Variants in LRP4 observed in about 807,000 individuals in gnomAD.
LRP4 encodes low-density lipoprotein receptor-related protein 4.
A neutral mutation model predicts 220.3 loss-of-function variants in LRP4; 95 were observed. The observed-to-expected ratio is 0.43, with a 90% CI of 0.37 to 0.51. The LOEUF is 0.51. Among genes scored for constraint, LRP4 ranks in the 20% least tolerant of loss-of-function variants. LRP4 has a pLI of 0.00. For missense variants in LRP4, 1,925 were observed against 2,567.0 expected (o/e 0.75, Z 5.40); for synonymous variants, 903 against 954.6 (o/e 0.95, Z 1.00).
intron 20 of LRP4, 71 bp from the exon 21 acceptor site, chr11:46,879,386 T>C: frequency 6.5e-7 from 1 of 1,528,440 alleles, no homozygotes; most frequent in Non-Finnish European, 9.0e-7. Context: ...AAGAGCTCAC[T>C]GTGGACTCAG....
intron 1 of LRP4, among the ~76,000 whole-genome samples, chr11:46,905,852 C>CAA (rs35421139): frequency 4.1e-4 from 38 of 93,138 alleles, no homozygotes; most frequent in Admixed American, 6.0e-4. Context: ...AACTCCGTCT[C>CAA]AAAAAAAAAA....
intron 1 of LRP4, among the ~76,000 whole-genome samples, chr11:46,907,409 G>T (rs1055186056): frequency 6.6e-6 from 1 of 152,118 alleles, no homozygotes; most frequent in South Asian, 2.1e-4. Flanking sequence ...TCCCACTCCC[G>T]CCATCTTACC....
chr11:46,861,445 T>C (rs1940544723), intron 37 of LRP4, among the ~76,000 whole-genome samples: 1 of 148,942 alleles, frequency 6.7e-6, no homozygotes, highest in Non-Finnish European at 1.5e-5. Flanking sequence ...TACAGGATTT[T>C]AGGAAAAAAA....
chr11:46,880,170 T>C (rs1490856209), intron 20 of LRP4, among the ~76,000 whole-genome samples: 1 of 151,662 alleles, frequency 6.6e-6, no homozygotes, highest in African/African-American at 2.4e-5. Flanking sequence ...GAGGAAATGT[T>C]CCAGATTAGA....
rs1379218758 is a variant in LRP4, at chr11:46,876,607, T to C, written c.3395A>G (p.Asp1132Gly). ...GLQTTDGLAV[D>G]AIGRKVYWTD... ...CCAGTATACTTTCCGGCCAATGGCA[T>C]CAACCGCGAGCCCATCTGTGGTCTG... The change falls in exon 25 of 38, where the codon GAT becomes GGT. Residue 1132 changes from aspartate to glycine, a missense_variant. By Grantham distance (94) the Asp-to-Gly change is moderately conservative. Transcript: ENST00000378623. The C allele has an allele frequency of 6.2e-7, 1 of 1,614,202 alleles. No homozygotes were observed. The highest frequency in any genetic ancestry group is 8.5e-7 in the Non-Finnish European group (1 of 1,180,042).
intron 7 of LRP4, among the ~76,000 whole-genome samples, 154 bp from the exon 8 acceptor site, chr11:46,897,148 A>C (rs563096472): frequency 6.6e-6 from 1 of 152,188 alleles, no homozygotes; most frequent in African/African-American, 2.4e-5. Context: ...ATCAGAAAAA[A>C]GTATCCTTTC....
chr11:46,896,452 G>C lies in LRP4; in HGVS notation c.923-117C>G. On this transcript the variant is annotated intron_variant, in intron 8 of 37. Coordinates refer to ENST00000378623, the MANE Select transcript of LRP4 (RefSeq NM_002334.4). ...GATGAGACTCAAGGTGGGAGGGTGAGGGTCCTGGGCAGGAAGCAGCTCAGA... is the reference window on the plus strand; with the variant it reads ...GATGAGACTCAAGGTGGGAGGGTGACGGTCCTGGGCAGGAAGCAGCTCAGA... The C allele has an allele frequency of 8.3e-6, 11 of 1,325,652 alleles. No individual in the cohort carries two copies. In the South Asian group the frequency reaches 1.3e-4, roughly 16 times the overall value. 82.1% of individuals were successfully genotyped at this position (1,325,652 alleles called of 1,614,324 possible).
chr11:46,900,647 T>A (rs1941647823), intron 2 of LRP4, among the ~76,000 whole-genome samples: 1 of 151,740 alleles, frequency 6.6e-6, no homozygotes, highest in East Asian at 1.9e-4. Flanking sequence ...TTTTTTGGTT[T>A]TTGTTTTTGT....
Position 46,890,401 on chromosome 11 carries a change from G to A in LRP4, c.1791C>T (p.Leu597=), listed in dbSNP as rs1392302763. ...SGRRIIADTH[L]FWPNGLTIDY... is the part of the protein sequence containing the mutation. ...CGATGGTGAGGCCATTGGGCCAGAA[G>A]AGATGGGTATCGGCAATGATGCGGC... The change falls in exon 14 of 38, where the codon CTC becomes CTT. Residue 597 remains leucine (L), a synonymous_variant. Coordinates refer to ENST00000378623, the MANE Select transcript of LRP4 (RefSeq NM_002334.4). This position sits in a 1 kb window ranked among gnomAD's most constrained non-coding sequence, Gnocchi z 5.3. 6.2e-7 allele frequency: 1 copy of A among 1,614,212 alleles called. No homozygotes were observed.
rs764520299 is a variant in LRP4 at position 46,894,693 on chromosome 11, C to A, written c.1436G>T (p.Arg479Leu). 17 of 1,614,188 alleles carry A rather than the reference C, an allele frequency of 1.1e-5. No individual in the cohort carries two copies. Among genetic ancestry groups the A allele is most frequent in the Non-Finnish European group, 1.4e-5 (17 of 1,180,022 alleles). Residue 479 changes from arginine (R) to leucine (L), a missense_variant, in exon 12 of 38, where the codon CGC (arginine) becomes CTC (leucine). Around this residue, in one of 3 missense-constraint regions of LRP4, gnomAD observed 269 missense variants for 436.7 expected, o/e 0.62. Transcript: ENST00000378623. ...NAIALDFHHR[R>L]ELVFWSDVTL... The stretch of plus-strand genomic sequence containing the variant: ...GACATCTGACCAGAAGACAAGCTCG[C>A]GGCGGTGGTGGAAATCAAGGGCAAT...
In LRP4 at chr11:46,869,143, G is replaced by A. The variant is rs1409382852; in HGVS notation, c.4693-11C>T. 14 of 1,613,576 alleles carry A rather than the reference G, an allele frequency of 8.7e-6. No individual in the cohort carries two copies. The highest frequency in any genetic ancestry group is 1.2e-5 in the Non-Finnish European group (14 of 1,179,750). On this transcript the variant is annotated splice_polypyrimidine_tract_variant and intron_variant, in intron 31 of 37. Transcript: ENST00000378623. ...GATCCACCTGTCTTGCTACTCAACA[G>A]GGGAAGCCCAAAAACAGTAAATATT...
intron 11 of LRP4, 150 bp from the exon 12 acceptor site, chr11:46,894,969 T>A: frequency 9.5e-7 from 1 of 1,047,524 alleles, no homozygotes; most frequent in Non-Finnish European, 1.4e-6. Flanking sequence ...TGGCAACCTT[T>A]AAACTATATT....
At chr11:46,889,712 T>C in intron 15 of LRP4, 179 bp from the exon 16 acceptor site, 1 of 888,114 alleles carries the variant, frequency 1.1e-6, no homozygotes, top group Non-Finnish European at 1.8e-6. Context: ...AGATGCCCTG[T>C]AAATGTCTGC....
chr11:46,865,019 C>CAA, intron 35 of LRP4, 100 bp downstream of exon 35: 1 of 1,011,956 alleles, frequency 9.9e-7, no homozygotes, highest in African/African-American at 1.6e-5. Context: ...AAAAAGAGTT[C>CAA]ATCAACCCCA....
intron 1 of LRP4, among the ~76,000 whole-genome samples, chr11:46,909,611 C>CAAAAA (rs71042636): frequency 0.053 from 2,448 of 46,048 alleles, 735 homozygotes; most frequent in Middle Eastern, 0.094. Context: ...GACTCCGTCT[C>CAAAAA]AAAAAAAAAA....
intron 2 of LRP4, 60 bp from the exon 3 acceptor site, chr11:46,900,438 C>A: frequency 9.6e-7 from 1 of 1,043,884 alleles, no homozygotes; most frequent in South Asian, 1.3e-5. Flanking sequence ...TCAGGCTCAA[C>A]TAGGCCAGAT....
At position 46,871,530 on chromosome 11, in the gene LRP4, T is replaced by C. The variant is rs1395051241; in HGVS notation, c.4687A>G (p.Thr1563Ala). 1 of 1,609,848 alleles carries C rather than the reference T, an allele frequency of 6.2e-7. No homozygotes were observed. Among genetic ancestry groups the C allele is most frequent in the African/African-American group, 1.3e-5 (1 of 74,870 alleles). ...CCTCTCTCCTGAGCCAGTACCTGTG[T>C]GAGGGCAAAGGGGTGGGACACATGG... ...VSHVSHPFAL[T>A]QQDRWIYWTD... is the part of the protein sequence containing the mutation. Residue 1563 changes from threonine (T) to alanine (A), a missense_variant, in exon 31 of 38, where the codon ACA becomes GCA. Thr to Ala is a moderately conservative substitution (Grantham distance 58, BLOSUM62 0). Transcript: ENST00000378623.
intron 31 of LRP4, among the ~76,000 whole-genome samples, 177 bp from the exon 32 acceptor site, chr11:46,869,309 T>C (rs1162870423): frequency 2.0e-5 from 3 of 152,190 alleles, no homozygotes; most frequent in African/African-American, 4.8e-5. Flanking sequence ...CCCAAATCCA[T>C]ATAGACTTCA....
intron 1 of LRP4, among the ~76,000 whole-genome samples, chr11:46,914,419 C>T (rs904084861): frequency 6.6e-6 from 1 of 152,158 alleles, no homozygotes; most frequent in Non-Finnish European, 1.5e-5. Flanking sequence ...GGAATGCTCC[C>T]GATTGTACGA....
Sources: gnomAD v4.1 joint callset for allele counts (sites outside exome capture counted in the v4.1 genomes callset) on GRCh38, gnomAD v4.1.1 for gene constraint, gnomAD v4.1.1 regional missense constraint, Gnocchi (gnomAD v3.1) non-coding constraint, MANE v1.5 for transcripts, NCBI Gene and HGNC (gene_info 2026-07-23, HGNC 2026-07-21) for gene names.